Variants in DGKH observed in about 807,000 individuals in gnomAD.
The protein encoded by DGKH is diacylglycerol kinase eta.
A neutral mutation model predicts 159.3 loss-of-function variants in DGKH; 90 were observed. That is an observed-to-expected ratio of 0.57 (90% confidence interval 0.48 to 0.67). The LOEUF (loss-of-function observed/expected upper bound fraction) is 0.67. Among genes scored for constraint, DGKH ranks in the 30% least tolerant of loss-of-function variants. The probability of loss-of-function intolerance (pLI) is 0.00; values close to 1 mark genes in which losing one functional copy is unlikely to be tolerated. For missense variants in DGKH, 1,181 were observed against 1,506.1 expected, an observed-to-expected ratio of 0.78 and a Z score of 3.57; for synonymous variants, 536 against 553.8, an observed-to-expected ratio of 0.97 and a Z score of 0.45.
intron 1 of DGKH, among the ~76,000 whole-genome samples, chr13:42,055,087 G>A (rs1051285227): frequency 4.6e-5 from 7 of 151,974 alleles, no homozygotes; most frequent in Non-Finnish European, 7.4e-5. Flanking sequence ...TTCTTAGCTC[G>A]TCGACTATAT....
intron 1 of DGKH, chr13:42,066,278 AC>A (rs1195519176): frequency 2.0e-5 from 3 of 152,190 alleles, no homozygotes; most frequent in African/African-American, 7.2e-5. Flanking sequence ...AAGCAACCCA[AC>A]TGTTCACTGA....
rs561124172 is a variant in DGKH at position 42,198,149 on chromosome 13, C to T, written c.2168-329C>T. Among the ~76,000 whole-genome samples the T allele has an allele frequency of 1.4e-3, 209 of 152,170 alleles. 1 individual carries two copies. Among genetic ancestry groups the T allele is most frequent in the African/African-American group, 5.0e-3 (206 of 41,496 alleles). On this transcript the variant is annotated intron_variant, in intron 17 of 29. Transcript: ENST00000337343. Reference sequence around the variant, plus strand: ...TTGTAAATTCCTTATAGACTTAATACCATCTTTGCTATAACAAAGGAAGTA... The same window carrying T: ...TTGTAAATTCCTTATAGACTTAATATCATCTTTGCTATAACAAAGGAAGTA...
At chr13:42,100,731 C>T (rs9594674) in intron 1 of DGKH, among the ~76,000 whole-genome samples, 21,002 of 152,188 alleles carry the variant, frequency 0.14, 1,678 homozygotes, top group Admixed American at 0.22. Context: ...ATTGGACATT[C>T]ACCTTACAGG....
intron 17 of DGKH, among the ~76,000 whole-genome samples, chr13:42,197,457 AT>A (rs1957230921): frequency 6.6e-6 from 1 of 152,124 alleles, no homozygotes; most frequent in Non-Finnish European, 1.5e-5. Flanking sequence ...AAAGAACAAA[AT>A]TCATTGTATT....
chr13:42,090,248 T>C (rs2137744520), intron 1 of DGKH, among the ~76,000 whole-genome samples: 1 of 152,290 alleles, frequency 6.6e-6, no homozygotes, highest in African/African-American at 2.4e-5. Context: ...GTGAACTAAA[T>C]ATTATAAAAC....
chr13:42,104,564 A>T (rs1040610773), intron 1 of DGKH, among the ~76,000 whole-genome samples: 2 of 152,134 alleles, frequency 1.3e-5, no homozygotes, highest in African/African-American at 4.8e-5. Flanking sequence ...CTTTAAGAGG[A>T]TGAATCTTAA....
Position 42,127,798 on chromosome 13 carries a change from T to G in DGKH, c.303+225T>G, listed in dbSNP as rs142189547. 2.6e-3 allele frequency among the ~76,000 whole-genome samples: 389 copies of G among 152,326 alleles called. 3 individuals carry two copies. The highest frequency in any genetic ancestry group is 9.1e-3 in the African/African-American group (377 of 41,572). On this transcript the variant is annotated intron_variant, in intron 2 of 29. Coordinates refer to ENST00000337343, the MANE Select transcript of DGKH (RefSeq NM_178009.5). Reference sequence around the variant, plus strand: ...CTTTTAGGAAGGCTCTAGTGTAGTTTCATTTCGTTCTTCCTTTCTTCTTTC... The same window carrying G: ...CTTTTAGGAAGGCTCTAGTGTAGTTGCATTTCGTTCTTCCTTTCTTCTTTC...
chr13:42,235,572 T>C lies in DGKH; in HGVS notation c.*6384T>C, dbSNP rs960574697. ...AGAATATATTTTGTGGTCCTTAATG[T>C]TTGATTGCACTATTGTTTCCCACAG... On this transcript the variant is annotated 3_prime_UTR_variant, in exon 30 of 30. Coordinates refer to ENST00000337343, the MANE Select transcript of DGKH (RefSeq NM_178009.5). The C allele has an allele frequency of 6.6e-6, 1 of 152,168 alleles. No homozygotes were observed. The highest frequency in any genetic ancestry group is 1.5e-5 in the Non-Finnish European group (1 of 68,004). 9.4% of individuals were successfully genotyped at this position (152,168 alleles called of 1,614,324 possible).
intron 13 of DGKH, chr13:42,181,692 T>G: frequency 2.2e-6 from 1 of 456,708 alleles, no homozygotes. Flanking sequence ...CCATGATAGT[T>G]GACCCAGTAT....
chr13:42,242,965 G>A (rs1190676505), downstream of DGKH: 2 of 152,162 alleles, frequency 1.3e-5, no homozygotes, highest in Admixed American at 1.3e-4. Flanking sequence ...TGAGACAATT[G>A]TAGATTCACA....
chr13:42,084,515 TA>T (rs540706085), intron 1 of DGKH, among the ~76,000 whole-genome samples: 1 of 152,280 alleles, frequency 6.6e-6, no homozygotes, highest in Admixed American at 6.5e-5. Context: ...GTTTTATAAT[TA>T]AAAATTTTAG....
At chr13:42,141,369 G>GT (rs1263343037) in intron 3 of DGKH, among the ~76,000 whole-genome samples, 3 of 152,026 alleles carry the variant, frequency 2.0e-5, no homozygotes, top group Non-Finnish European at 4.4e-5. Flanking sequence ...ATACATGTGC[G>GT]TGTGTCTGTA....
intron 23 of DGKH, 46 bp from the exon 24 acceptor site, chr13:42,210,556 T>C: frequency 1.3e-6 from 2 of 1,571,802 alleles, no homozygotes; most frequent in Non-Finnish European, 1.7e-6. Context: ...TACATGGACC[T>C]CTGAGTTCTA....
chr13:42,083,447 CTT>C (rs957975369), intron 1 of DGKH, among the ~76,000 whole-genome samples: 49 of 152,274 alleles, frequency 3.2e-4, no homozygotes, highest in African/African-American at 1.2e-3. Context: ...AAATGGAGAA[CTT>C]TTAAAAACCA....
rs376451530 is a variant in DGKH, at chr13:42,159,996, C to G, written c.730-15C>G. 6.2e-7 allele frequency: 1 copy of G among 1,614,202 alleles called. No homozygotes were observed. The highest frequency in any genetic ancestry group is 8.5e-7 in the Non-Finnish European group (1 of 1,180,030). ...GCCAGTCTTCACCTGGCTGCCCTTT[C>G]TTCCTTCTCCACAGGTCGCGATGCC... On this transcript the variant is annotated splice_polypyrimidine_tract_variant and intron_variant, in intron 6 of 29. Coordinates refer to ENST00000337343, the MANE Select transcript of DGKH (RefSeq NM_178009.5).
intron 1 of DGKH, among the ~76,000 whole-genome samples, chr13:42,087,746 A>AT (rs56389215): frequency 0.53 from 75,442 of 142,356 alleles, 20,611 homozygotes; most frequent in Non-Finnish European, 0.61. Context: ...TGCACTGCTC[A>AT]TTTTTTTTTT....
rs572468234 is a variant in DGKH at position 42,048,737 on chromosome 13, G to C, written c.-37G>C. The C allele has an allele frequency of 1.8e-5, 22 of 1,245,760 alleles. No individual in the cohort carries two copies. The highest frequency in any genetic ancestry group is 2.1e-5 in the Non-Finnish European group (21 of 988,482). The allele number at this position is 1,245,760 out of a possible 1,614,324, so 77.2% of individuals were successfully genotyped here. A position where few individuals can be genotyped will look rare whatever the true frequency, so the allele number is the denominator to read the frequency against. On this transcript the variant is annotated 5_prime_UTR_variant, in exon 1 of 30. Transcript: ENST00000337343. This position sits in a 1 kb window ranked among gnomAD's most constrained non-coding sequence, Gnocchi z 6.7. ...CCCGCTGACCAACGCCGCCGCCCCC[G>C]CCGGGCGGTGCTGTGTCCCCGCAGG...
intron 7 of DGKH, among the ~76,000 whole-genome samples, chr13:42,160,866 T>C (rs974782496): frequency 6.6e-6 from 1 of 152,190 alleles, no homozygotes; most frequent in African/African-American, 2.4e-5. Flanking sequence ...GTTTTTGGTA[T>C]GTATGGTGTA....
chr13:42,040,427 C>T (rs968045453), intron 1 of DGKH, among the ~76,000 whole-genome samples: 81 of 151,936 alleles, frequency 5.3e-4, no homozygotes, highest in Admixed American at 1.1e-3. Context: ...CCGGCGGCCG[C>T]TTTCGGTTCC....
Sources: allele counts gnomAD v4.1 joint callset (sites outside exome capture counted in the v4.1 genomes callset), GRCh38; gene constraint gnomAD v4.1.1; non-coding constraint Gnocchi (gnomAD v3.1); transcripts MANE v1.5; gene names NCBI Gene and HGNC (gene_info 2026-07-23, HGNC 2026-07-21).